The following RAD54L2 variants were observed in gnomAD, a reference collection of about 807,000 sequenced individuals.
The protein encoded by RAD54L2 is RAD54 like 2.
Under a neutral mutation model 138.4 loss-of-function variants are expected in RAD54L2, and 27 were observed. The ratio of observed to expected loss-of-function variants is 0.20; its 90% CI spans 0.14 to 0.27. RAD54L2 has a LOEUF of 0.27. Among genes scored for constraint, RAD54L2 ranks in the 10% least tolerant of loss-of-function variants. The pLI, the probability that RAD54L2 is intolerant of heterozygous loss-of-function variation, is 1.00. For missense variants in RAD54L2, 1,396 were observed against 1,890.2 expected (o/e 0.74, Z 4.85); for synonymous variants, 644 against 723.2 (o/e 0.89, Z 1.76).
At chr3:51,623,198 G>T (rs567340259) in intron 3 of RAD54L2, among the ~76,000 whole-genome samples, 1 of 152,212 alleles carries the variant, frequency 6.6e-6, no homozygotes, top group Non-Finnish European at 1.5e-5. Flanking sequence ...CAATTTCATC[G>T]AGGCAGTATG....
rs1219250527 is a variant in RAD54L2 at position 51,656,064 on chromosome 3, G to T, written c.3120G>T (p.Leu1040Phe). The change falls in exon 20 of 23, where the codon TTG becomes TTT. Residue 1040 changes from leucine (L) to phenylalanine (F), a missense_variant. By Grantham distance (22) the Leu-to-Phe change is conservative. This residue lies in a region of RAD54L2 where 634 missense variants were observed against 711.2 expected (regional missense o/e 0.89). Transcript: ENST00000684192. Reference protein sequence around the residue: ...PIPMMPRHVPLGGSVSSASST... With the variant: ...PIPMMPRHVPFGGSVSSASST... Reference sequence around the variant, plus strand: ...CCATGATGCCCCGGCATGTCCCATTGGGAGGAAGTGTAAGCTCTGCCTCCA... The same window carrying T: ...CCATGATGCCCCGGCATGTCCCATTTGGAGGAAGTGTAAGCTCTGCCTCCA... The T allele has an allele frequency of 1.2e-6, 2 of 1,613,992 alleles. No homozygotes were observed. Among genetic ancestry groups the T allele is most frequent in the South Asian group, 1.1e-5 (1 of 91,082 alleles).
intron 3 of RAD54L2, among the ~76,000 whole-genome samples, chr3:51,610,644 A>C (rs2106757463): frequency 6.6e-6 from 1 of 152,074 alleles, no homozygotes; most frequent in African/African-American, 2.4e-5. Context: ...CATCTCAAAA[A>C]AAAAAAAAAA....
In RAD54L2 at chr3:51,635,618, A is replaced by T; in HGVS notation, c.1168A>T (p.Met390Leu). 1 of 1,612,458 alleles carries T rather than the reference A, an allele frequency of 6.2e-7. No homozygotes were observed. The change falls in exon 10 of 23, where the codon ATG becomes TTG. Residue 390 changes from methionine (M) to leucine (L), a missense_variant. Around this residue, in one of 7 missense-constraint regions of RAD54L2, gnomAD observed 169 missense variants for 235.6 expected, o/e 0.72. Coordinates refer to ENST00000684192, the MANE Select transcript of RAD54L2 (RefSeq NM_015106.4). The stretch of plus-strand genomic sequence containing the variant: ...GACGATGGCATCTCGTGCTAAAGTG[A>T]TGGCTGATTGGGTGTCAGAGGGTGG... ...HKTMASRAKV[M>L]ADWVSEGGVL...
At chr3:51,628,018 C>T (rs1201821371) in intron 4 of RAD54L2, among the ~76,000 whole-genome samples, 5 of 152,106 alleles carry the variant, frequency 3.3e-5, no homozygotes, top group Non-Finnish European at 2.9e-5. Flanking sequence ...GGTGGCAGCC[C>T]GAAGATGATA....
At chr3:51,548,513 C>G (rs1553672818) in intron 2 of RAD54L2, among the ~76,000 whole-genome samples, 1 of 152,220 alleles carries the variant, frequency 6.6e-6, no homozygotes, top group Non-Finnish European at 1.5e-5. Flanking sequence ...ATATTTACTT[C>G]ATCCTCCCAA....
At chr3:51,585,446 T>C (rs1244184756) in intron 2 of RAD54L2, among the ~76,000 whole-genome samples, 1 of 152,228 alleles carries the variant, frequency 6.6e-6, no homozygotes, top group Non-Finnish European at 1.5e-5. Flanking sequence ...CCTGGTCGTC[T>C]GCTTTGTGAA....
At position 51,638,160 on chromosome 3, in the gene RAD54L2, C is replaced by CTGAAGATGA; in HGVS notation, c.1706_1707insGATGAAGAT (p.Lys568_Ile569insMetMetLys). The CTGAAGATGA allele has an allele frequency of 6.2e-7, 1 of 1,613,936 alleles. No individual in the cohort carries two copies. On this transcript the variant is annotated inframe_insertion, in exon 12 of 23. Transcript: ENST00000684192. This position sits in a 1 kb window ranked among gnomAD's most constrained non-coding sequence, Gnocchi z 4.3. Reference sequence around the variant, plus strand: ...CCTCCATAGGAGAGGCCACACTGTGCTGAAGATTCATCTCCCTGCCAAGGA... The same window carrying CTGAAGATGA: ...CCTCCATAGGAGAGGCCACACTGTGCTGAAGATGATGAAGATTCATCTCCCTGCCAAGGA...
intron 2 of RAD54L2, among the ~76,000 whole-genome samples, chr3:51,581,054 A>G (rs1255018026): frequency 1.3e-5 from 2 of 152,172 alleles, no homozygotes; most frequent in African/African-American, 2.4e-5. Context: ...ATTTTAAAAG[A>G]ATTGGTAATT....
intron 2 of RAD54L2, among the ~76,000 whole-genome samples, chr3:51,586,018 C>T (rs1439037824): frequency 1.3e-5 from 2 of 152,004 alleles, no homozygotes; most frequent in African/African-American, 2.4e-5. Flanking sequence ...CACCACCCCG[C>T]CCCCACCGCC....
At chr3:51,653,993 G>T (rs966727727) in intron 19 of RAD54L2, among the ~76,000 whole-genome samples, 2 of 152,120 alleles carry the variant, frequency 1.3e-5, no homozygotes, top group African/African-American at 4.8e-5. Context: ...TGGAAAACTT[G>T]CCAAATAAGT....
At position 51,645,151 on chromosome 3, in the gene RAD54L2, T is replaced by C; in HGVS notation, c.2578T>C (p.Tyr860His). The C allele has an allele frequency of 1.2e-6, 2 of 1,613,972 alleles. No individual in the cohort carries two copies. Among genetic ancestry groups the C allele is most frequent in the Non-Finnish European group, 1.7e-6 (2 of 1,179,872 alleles). ...CCGTTATGGCCAGAAAAAGCCCTGT[T>C]ACATCTATCGCCTTGTGGCTGATTA... ...VYRYGQKKPC[Y>H]IYRLVADYTL... The change falls in exon 17 of 23, where the codon TAC becomes CAC. Residue 860 changes from tyrosine (Y) to histidine (H), a missense_variant. By Grantham distance (83) the Tyr-to-His change is moderately conservative (BLOSUM62 2). This residue lies in a region of RAD54L2 where 78 missense variants were observed against 171.6 expected (regional missense o/e 0.45). Coordinates refer to ENST00000684192, the MANE Select transcript of RAD54L2 (RefSeq NM_015106.4). The surrounding 1 kb of genome is among the most constrained non-coding windows in gnomAD (Gnocchi z 6.1).
At position 51,637,570 on chromosome 3, in the gene RAD54L2, C is replaced by G. The variant is rs1486043415; in HGVS notation, c.1682+67C>G. 6.8e-7 allele frequency: 1 copy of G among 1,463,612 alleles called. No individual in the cohort carries two copies. Among genetic ancestry groups the G allele is most frequent in the Admixed American group, 2.0e-5 (1 of 49,808 alleles). The allele number at this position is 1,463,612 out of a possible 1,614,324, so 90.7% of individuals were successfully genotyped here. ...GCCCTGTTGCCAAGGGCATGCCAAA[C>G]CTGTTATACAGGATAGGGTGTTGGA... On this transcript the variant is annotated intron_variant, in intron 11 of 22. Coordinates refer to ENST00000684192, the MANE Select transcript of RAD54L2 (RefSeq NM_015106.4). This position sits in a 1 kb window ranked among gnomAD's most constrained non-coding sequence, Gnocchi z 5.9.
chr3:51,660,953 C>G (rs543940595), intron 22 of RAD54L2, among the ~76,000 whole-genome samples: 15 of 148,248 alleles, frequency 1.0e-4, no homozygotes, highest in African/African-American at 3.8e-4. Flanking sequence ...CGCAGACATC[C>G]ATTGCTCCTC....
At chr3:51,617,559 T>C (rs1277877460) in intron 3 of RAD54L2, among the ~76,000 whole-genome samples, 1 of 152,212 alleles carries the variant, frequency 6.6e-6, no homozygotes, top group Admixed American at 6.5e-5. Flanking sequence ...CTGTGTAGTC[T>C]TACTGAATTG....
chr3:51,563,588 G>A (rs1699146495), intron 2 of RAD54L2, among the ~76,000 whole-genome samples: 1 of 152,128 alleles, frequency 6.6e-6, no homozygotes, highest in Non-Finnish European at 1.5e-5. Flanking sequence ...TTTTTGCCAC[G>A]GTTCCCTCCC....
chr3:51,605,079 T>C (rs112114445), intron 3 of RAD54L2, among the ~76,000 whole-genome samples: 1 of 146,152 alleles, frequency 6.8e-6, no homozygotes, highest in African/African-American at 2.5e-5. Flanking sequence ...TGAGCCACCA[T>C]ACCTGGCTAA....
chr3:51,639,368 C>G, intron 12 of RAD54L2, 51 bp from the exon 13 acceptor site: 1 of 1,600,824 alleles, frequency 6.2e-7, no homozygotes, highest in African/African-American at 1.3e-5. Context: ...CCTGGGACAC[C>G]CTTGGAATGT....
chr3:51,645,483 C>T lies in RAD54L2; in HGVS notation c.2657-108C>T. On this transcript the variant is annotated intron_variant, in intron 17 of 22. Coordinates refer to ENST00000684192, the MANE Select transcript of RAD54L2 (RefSeq NM_015106.4). This position sits in a 1 kb window ranked among gnomAD's most constrained non-coding sequence, Gnocchi z 6.1. ...ATGATGTTTCCAGTGTCACCAGCAC[C>T]TCAGACCTAGTCTTTGACTTTCAGA... 8.2e-7 allele frequency: 1 copy of T among 1,214,432 alleles called. No homozygotes were observed. Among genetic ancestry groups the T allele is most frequent in the East Asian group, 2.6e-5 (1 of 39,152 alleles). The allele number at this position is 1,214,432 out of a possible 1,614,324, so 75.2% of individuals were successfully genotyped here. A position where few individuals can be genotyped will look rare whatever the true frequency, so the allele number is the denominator to read the frequency against.
intron 2 of RAD54L2, among the ~76,000 whole-genome samples, chr3:51,571,479 C>A (rs749695907): frequency 1.3e-5 from 2 of 151,284 alleles, no homozygotes; most frequent in African/African-American, 4.9e-5. Flanking sequence ...ATAACCTTCG[C>A]CTCCCGGGTT....
Sources: allele counts gnomAD v4.1 joint callset (sites outside exome capture counted in the v4.1 genomes callset), GRCh38; gene constraint gnomAD v4.1.1; regional missense constraint gnomAD v4.1.1; non-coding constraint Gnocchi (gnomAD v3.1); transcripts MANE v1.5; gene names NCBI Gene and HGNC (gene_info 2026-07-23, HGNC 2026-07-21).